OR9Q1: variants seen among roughly 807,000 people sequenced by gnomAD.
OR9Q1 encodes olfactory receptor family 9 subfamily Q member 1.
For missense variants in OR9Q1, 374 were observed against 378.8 expected, an observed-to-expected ratio of 0.99 and a Z score of 0.11; for synonymous variants, 153 against 148.6, an observed-to-expected ratio of 1.03 and a Z score of -0.22.
At chr11:58,167,333 G>T (rs1854515101) in intron 2 of OR9Q1, among the ~76,000 whole-genome samples, 1 of 151,960 alleles carries the variant, frequency 6.6e-6, no homozygotes, top group Non-Finnish European at 1.5e-5. Flanking sequence ...TAACTCTAAA[G>T]TATTATTTAA....
rs1194021643 is a variant in OR9Q1 at position 58,097,081 on chromosome 11, G to A, written c.-15+41134G>A. 2.6e-5 allele frequency among the ~76,000 whole-genome samples: 4 copies of A among 152,214 alleles called. No homozygotes were observed. The East Asian group carries it at 5.8e-4, about 22-fold the overall frequency. On this transcript the variant is annotated intron_variant, in intron 2 of 2. Coordinates refer to ENST00000335397, the MANE Select transcript of OR9Q1 (RefSeq NM_001005212.4). ...TGGTCTCAAACTCCCATCTTTAAAC[G>A]ATCCTCCATCTTGGCCTTCTAAAGT...
intron 2 of OR9Q1, among the ~76,000 whole-genome samples, chr11:58,141,963 A>G (rs1854254106): frequency 1.3e-5 from 2 of 152,112 alleles, no homozygotes; most frequent in Admixed American, 6.6e-5. Context: ...AAACCTCCAT[A>G]TGTTTTGTAA....
intron 2 of OR9Q1, among the ~76,000 whole-genome samples, chr11:58,133,490 T>G (rs1854162456): frequency 6.6e-6 from 1 of 152,200 alleles, no homozygotes; most frequent in Non-Finnish European, 1.5e-5. Context: ...GGGAGCACAA[T>G]GTGCTGGGAC....
chr11:58,102,061 TAC>T (rs1489740537), intron 2 of OR9Q1, among the ~76,000 whole-genome samples: 1 of 152,208 alleles, frequency 6.6e-6, no homozygotes, highest in African/African-American at 2.4e-5. Flanking sequence ...CCAGAATTTT[TAC>T]AGTTTTGGAT....
chr11:58,037,689 A>ATAGT (rs1853119570), intron 1 of OR9Q1, among the ~76,000 whole-genome samples: 4 of 6,996 alleles, frequency 5.7e-4, no homozygotes, highest in Non-Finnish European at 7.9e-4. Flanking sequence ...ATATATATAT[A>ATAGT]TTTTTTTTTT....
chr11:58,142,855 C>T (rs1007153566), intron 2 of OR9Q1, among the ~76,000 whole-genome samples: 1 of 152,098 alleles, frequency 6.6e-6, no homozygotes, highest in Non-Finnish European at 1.5e-5. Context: ...ATTCATGTAT[C>T]TCACTGATTG....
At chr11:58,111,894 G>A (rs987286794) in intron 2 of OR9Q1, among the ~76,000 whole-genome samples, 5 of 150,648 alleles carry the variant, frequency 3.3e-5, no homozygotes, top group Admixed American at 2.0e-4. Flanking sequence ...TGGGGGGGGT[G>A]GGCATGGAAA....
chr11:58,109,186 T>G, intron 2 of OR9Q1: 1 of 483,184 alleles, frequency 2.1e-6, no homozygotes, highest in Non-Finnish European at 4.2e-6. Context: ...GCACGTGGTA[T>G]GCAGAATGGC....
intron 2 of OR9Q1, among the ~76,000 whole-genome samples, chr11:58,177,188 A>G (rs1854613933): frequency 1.3e-5 from 2 of 152,238 alleles, no homozygotes; most frequent in Admixed American, 6.5e-5. Context: ...AAAAGCCTCT[A>G]TCAGTCTTCA....
chr11:58,042,932 A>C (rs1302239181), intron 1 of OR9Q1, among the ~76,000 whole-genome samples: 1 of 152,048 alleles, frequency 6.6e-6, no homozygotes, highest in Admixed American at 6.6e-5. Context: ...TTCACTCATG[A>C]TTTGGCTCTC....
At chr11:58,109,240 C>A (rs1413481990) in intron 2 of OR9Q1, 5 of 464,466 alleles carry the variant, frequency 1.1e-5, no homozygotes, top group Non-Finnish European at 2.2e-5. Flanking sequence ...AAAGACCCTG[C>A]AGGTACCTGG....
intron 2 of OR9Q1, among the ~76,000 whole-genome samples, chr11:58,064,085 G>A (rs1293757863): frequency 1.3e-5 from 2 of 152,106 alleles, no homozygotes; most frequent in African/African-American, 4.8e-5. Context: ...ACATCGATAG[G>A]ACAATTATGG....
intron 1 of OR9Q1, among the ~76,000 whole-genome samples, chr11:58,052,902 C>A (rs1377873006): frequency 6.6e-6 from 1 of 151,982 alleles, no homozygotes; most frequent in East Asian, 1.9e-4. Context: ...CAATGAGATA[C>A]CATCTCACAC....
intron 2 of OR9Q1, among the ~76,000 whole-genome samples, chr11:58,126,355 T>C (rs985220804): frequency 1.3e-5 from 2 of 152,222 alleles, no homozygotes; most frequent in African/African-American, 2.4e-5. Flanking sequence ...AATAACTTGG[T>C]TCCTGATTCA....
chr11:58,122,798 C>T (rs1854047471), intron 2 of OR9Q1, among the ~76,000 whole-genome samples: 1 of 151,918 alleles, frequency 6.6e-6, no homozygotes, highest in Admixed American at 6.6e-5. Flanking sequence ...AATACATATC[C>T]TTCTATGTTT....
intron 2 of OR9Q1, among the ~76,000 whole-genome samples, chr11:58,148,119 A>G (rs1471560362): frequency 1.3e-5 from 2 of 152,168 alleles, no homozygotes; most frequent in Non-Finnish European, 2.9e-5. Flanking sequence ...CCAAAGTACT[A>G]TGTTCTTGAT....
At chr11:58,130,967 G>T in intron 2 of OR9Q1, among the ~76,000 whole-genome samples, 1 of 151,956 alleles carries the variant, frequency 6.6e-6, no homozygotes, top group Non-Finnish European at 1.5e-5. Flanking sequence ...TATAATCATG[G>T]TACTGTTATT....
Position 58,179,438 on chromosome 11 carries a change from T to C in OR9Q1, c.-7T>C. 1.3e-6 allele frequency: 2 copies of C among 1,546,450 alleles called. No homozygotes were observed. Among genetic ancestry groups the C allele is most frequent in the Non-Finnish European group, 1.7e-6 (2 of 1,144,700 alleles). On this transcript the variant is annotated 5_prime_UTR_variant, in exon 3 of 3. Coordinates refer to ENST00000335397, the MANE Select transcript of OR9Q1 (RefSeq NM_001005212.4). ...CCATTCTACATGTCTCAGGGACCAC[T>C]GGTGTCATGGCAGAGATGAACCTCA...
At chr11:58,176,266 T>C (rs899828838) in intron 2 of OR9Q1, among the ~76,000 whole-genome samples, 30 of 152,240 alleles carry the variant, frequency 2.0e-4, no homozygotes, top group African/African-American at 7.2e-4. Flanking sequence ...CAAAGGACCA[T>C]GCAGAACTAG....
Sources: allele counts gnomAD v4.1 joint callset (sites outside exome capture counted in the v4.1 genomes callset), GRCh38; gene constraint gnomAD v4.1.1; transcripts MANE v1.5; gene names NCBI Gene and HGNC (gene_info 2026-07-23, HGNC 2026-07-21).